Variants in FOCAD observed in about 807,000 individuals in gnomAD.
FOCAD encodes the protein focadhesin.
Under a neutral mutation model 225.6 loss-of-function variants are expected in FOCAD, and 198 were observed. That is an observed-to-expected ratio of 0.88 (90% CI 0.78 to 0.99). The LOEUF is 0.99. FOCAD is among the 50% of genes least tolerant of loss of function. The probability of loss-of-function intolerance (pLI) is 0.00; values close to 1 mark genes in which losing one functional copy is unlikely to be tolerated. For synonymous variants in FOCAD, 897 were observed against 755.0 expected (o/e 1.19, Z -3.08); for missense variants, 2,713 against 2,123.6 (o/e 1.28, Z -5.46).
chr9:20,892,693 C>G (rs1831721910), intron 21 of FOCAD, among the ~76,000 whole-genome samples: 2 of 152,044 alleles, frequency 1.3e-5, no homozygotes, highest in Admixed American at 1.3e-4. Context: ...ACTGACAATG[C>G]AGGATTTACA....
intron 5 of FOCAD, among the ~76,000 whole-genome samples, chr9:20,751,284 A>G (rs979574598): frequency 6.9e-6 from 1 of 144,270 alleles, no homozygotes; most frequent in African/African-American, 2.6e-5. Context: ...AGCATTAGGT[A>G]TATCTCCCAG....
At chr9:20,807,529 T>C (rs913976719) in intron 11 of FOCAD, among the ~76,000 whole-genome samples, 1 of 152,244 alleles carries the variant, frequency 6.6e-6, no homozygotes. Flanking sequence ...ATTATTTCAC[T>C]ATGTAATTAG....
chr9:20,908,106 G>C (rs1833137152), intron 22 of FOCAD, among the ~76,000 whole-genome samples: 1 of 152,062 alleles, frequency 6.6e-6, no homozygotes, highest in Non-Finnish European at 1.5e-5. Flanking sequence ...ATTTTAATCA[G>C]TTGGGGAATA....
intron 10 of FOCAD, among the ~76,000 whole-genome samples, chr9:20,786,733 G>A (rs891443491): frequency 6.6e-6 from 1 of 152,110 alleles, no homozygotes; most frequent in Non-Finnish European, 1.5e-5. Flanking sequence ...TACTTAATGT[G>A]TCTGCACATT....
In FOCAD at chr9:20,986,352, T is replaced by C. The variant is rs1164206389; in HGVS notation, c.4793T>C (p.Val1598Ala). The C allele has an allele frequency of 6.3e-7, 1 of 1,590,618 alleles. No homozygotes were observed. The highest frequency in any genetic ancestry group is 1.1e-5 in the South Asian group (1 of 90,788). ...GTCTCTCAAGGACGATTCCCCTTGG[T>C]GAACCTGACCGATATGCTGAGCGTT... Reference protein sequence around the residue: ...YLVSQGRFPLVNLTDMLSVAV... With the variant: ...YLVSQGRFPLANLTDMLSVAV... The change falls in exon 40 of 44, where the codon GTG becomes GCG. Residue 1598 changes from valine (V) to alanine (A), a missense_variant. Physicochemically the swap from Val to Ala is moderately conservative, Grantham distance 64. Transcript: ENST00000338382.
chr9:20,684,129 C>G (rs1822507003), upstream of FOCAD: 2 of 152,304 alleles, frequency 1.3e-5, no homozygotes, highest in African/African-American at 2.4e-5. Flanking sequence ...GACGCGCGTG[C>G]GCGCGAGCCG....
chr9:20,807,468 A>T (rs917576272), intron 11 of FOCAD, among the ~76,000 whole-genome samples: 4 of 152,272 alleles, frequency 2.6e-5, no homozygotes, highest in African/African-American at 9.6e-5. Context: ...GTGAACACAA[A>T]TAGGTGAAAT....
At chr9:20,949,881 C>T (rs150558838) in intron 33 of FOCAD, among the ~76,000 whole-genome samples, 2 of 152,048 alleles carry the variant, frequency 1.3e-5, no homozygotes, top group African/African-American at 4.8e-5. Context: ...AGAAAGCTGG[C>T]ATTTTTTTTA....
chr9:20,655,933 TAC>T (rs1466046261), upstream of FOCAD, among the ~76,000 whole-genome samples: 2 of 152,104 alleles, frequency 1.3e-5, no homozygotes, highest in Non-Finnish European at 2.9e-5. Flanking sequence ...AATTTCCCTC[TAC>T]ACACTGCTTT....
intron 19 of FOCAD, among the ~76,000 whole-genome samples, chr9:20,878,266 G>A (rs1009514897): frequency 6.6e-6 from 1 of 152,168 alleles, no homozygotes; most frequent in African/African-American, 2.4e-5. Context: ...AGTTGTACAT[G>A]ATTAAATAAT....
chr9:20,765,145 G>T (rs906267613), intron 7 of FOCAD, 72 bp downstream of exon 7: 5 of 1,343,380 alleles, frequency 3.7e-6, no homozygotes, highest in Non-Finnish European at 5.1e-6. Context: ...AGACAAAGTA[G>T]TTCTAGAACA....
chr9:20,883,652 T>C (rs1241464310), intron 20 of FOCAD, among the ~76,000 whole-genome samples: 2 of 152,176 alleles, frequency 1.3e-5, no homozygotes, highest in Non-Finnish European at 2.9e-5. Flanking sequence ...AAGTAATGGA[T>C]GGATCAGAGA....
At chr9:20,847,023 A>C (rs1564066376) in intron 15 of FOCAD, among the ~76,000 whole-genome samples, 1 of 152,162 alleles carries the variant, frequency 6.6e-6, no homozygotes, top group Admixed American at 6.6e-5. Flanking sequence ...ACATCTGTCA[A>C]GTAGAACCAT....
intron 21 of FOCAD, among the ~76,000 whole-genome samples, chr9:20,886,580 A>G: frequency 6.6e-6 from 1 of 152,216 alleles, no homozygotes; most frequent in East Asian, 1.9e-4. Flanking sequence ...TCCGAGATAT[A>G]AGCACAGAAA....
At chr9:20,810,675 T>A (rs969150190) in intron 11 of FOCAD, among the ~76,000 whole-genome samples, 1 of 152,124 alleles carries the variant, frequency 6.6e-6, no homozygotes, top group Non-Finnish European at 1.5e-5. Flanking sequence ...CATTACATCA[T>A]GATTTAAGTT....
chr9:20,916,215 G>C (rs536074682), intron 23 of FOCAD, among the ~76,000 whole-genome samples: 1 of 152,142 alleles, frequency 6.6e-6, no homozygotes, highest in Non-Finnish European at 1.5e-5. Flanking sequence ...TTTTAAAAAA[G>C]TAAATTTGAC....
At chr9:20,748,480 T>A (rs1294731800) in intron 5 of FOCAD, among the ~76,000 whole-genome samples, 1 of 152,014 alleles carries the variant, frequency 6.6e-6, no homozygotes, top group East Asian at 1.9e-4. Context: ...TTATAGAAAA[T>A]GTACACATGC....
intron 1 of FOCAD, among the ~76,000 whole-genome samples, chr9:20,706,618 A>G (rs976598933): frequency 6.6e-6 from 1 of 152,184 alleles, no homozygotes; most frequent in South Asian, 2.1e-4. Context: ...CTCTGTCATG[A>G]TGACTTTCCT....
chr9:20,788,885 T>G (rs938247408), intron 10 of FOCAD, among the ~76,000 whole-genome samples: 2 of 152,214 alleles, frequency 1.3e-5, no homozygotes, highest in African/African-American at 4.8e-5. Context: ...TTTGTTCCTA[T>G]CAACATACTG....
Sources: gnomAD v4.1 joint callset for allele counts (sites outside exome capture counted in the v4.1 genomes callset) on GRCh38, gnomAD v4.1.1 for gene constraint, MANE v1.5 for transcripts, NCBI Gene and HGNC (gene_info 2026-07-23, HGNC 2026-07-21) for gene names.